The following SGMS1 variants were observed in gnomAD, a reference collection of about 807,000 sequenced individuals.
The protein encoded by SGMS1 is phosphatidylcholine:ceramide cholinephosphotransferase 1.
Under a neutral mutation model 46.2 loss-of-function variants are expected in SGMS1, and 13 were observed. That is an observed-to-expected ratio of 0.28 (90% CI 0.18 to 0.45). SGMS1 has a LOEUF of 0.45. Ranked by LOEUF, SGMS1 falls within the 20% of genes least tolerant of loss-of-function variation. The pLI, the probability that SGMS1 is intolerant of heterozygous loss-of-function variation, is 1.00. For synonymous variants in SGMS1, 203 were observed against 187.8 expected (o/e 1.08, Z -0.66); for missense variants, 324 against 519.9 (o/e 0.62, Z 3.66).
chr10:50,574,984 T>TATAA (rs1466751231), intron 2 of SGMS1, among the ~76,000 whole-genome samples: 190 of 144,766 alleles, frequency 1.3e-3, no homozygotes, highest in African/African-American at 4.4e-3. Flanking sequence ...TATATATATA[T>TATAA]AAAACAAAGT....
chr10:50,417,495 G>A (rs562795897), intron 6 of SGMS1, among the ~76,000 whole-genome samples: 8 of 152,112 alleles, frequency 5.3e-5, no homozygotes, highest in South Asian at 2.1e-4. Flanking sequence ...AATTCCACAA[G>A]AGCGATTACC....
chr10:50,483,237 A>C (rs528500968), intron 3 of SGMS1, among the ~76,000 whole-genome samples: 2 of 152,104 alleles, frequency 1.3e-5, no homozygotes, highest in South Asian at 4.1e-4. Flanking sequence ...GCACCACCAT[A>C]CTTGGCTAAT....
intron 3 of SGMS1, among the ~76,000 whole-genome samples, chr10:50,469,786 AAC>A (rs1165087411): frequency 6.6e-6 from 1 of 152,330 alleles, no homozygotes; most frequent in East Asian, 1.9e-4. Flanking sequence ...TCTCAAGGAA[AAC>A]ACACTGGAGT....
At chr10:50,498,685 A>G (rs1384760614) in intron 3 of SGMS1, among the ~76,000 whole-genome samples, 1 of 152,136 alleles carries the variant, frequency 6.6e-6, no homozygotes, top group Non-Finnish European at 1.5e-5. Flanking sequence ...GTATGCAAAC[A>G]TCCTATTTTG....
At chr10:50,530,441 G>C (rs946317636) in intron 2 of SGMS1, among the ~76,000 whole-genome samples, 4 of 152,176 alleles carry the variant, frequency 2.6e-5, no homozygotes, top group Non-Finnish European at 2.9e-5. Context: ...TTCTAATCAA[G>C]GGAAAACATA....
At chr10:50,610,113 G>T (rs757266411) in intron 1 of SGMS1, among the ~76,000 whole-genome samples, 1 of 152,134 alleles carries the variant, frequency 6.6e-6, no homozygotes, top group Non-Finnish European at 1.5e-5. Flanking sequence ...TAAGTCAAAT[G>T]GTCTTCCAGT....
chr10:50,453,465 A>G (rs1837137972), intron 5 of SGMS1, among the ~76,000 whole-genome samples: 2 of 151,392 alleles, frequency 1.3e-5, no homozygotes, highest in African/African-American at 4.8e-5. Context: ...CCTGTCATCA[A>G]GGACGGCTTA....
chr10:50,615,007 G>T (rs1036925563), intron 1 of SGMS1, among the ~76,000 whole-genome samples: 1 of 152,198 alleles, frequency 6.6e-6, no homozygotes, highest in Admixed American at 6.5e-5. Context: ...CTGCCAAAAG[G>T]TCTAATCAGA....
intron 6 of SGMS1, among the ~76,000 whole-genome samples, chr10:50,345,606 A>G (rs905465201): frequency 2.6e-5 from 4 of 152,330 alleles, no homozygotes; most frequent in East Asian, 3.9e-4. Context: ...ATGGCTAACT[A>G]TGGTACACAG....
At chr10:50,570,531 A>G (rs1258123681) in intron 2 of SGMS1, among the ~76,000 whole-genome samples, 1 of 152,210 alleles carries the variant, frequency 6.6e-6, no homozygotes, top group Non-Finnish European at 1.5e-5. Flanking sequence ...AATGAGTGAA[A>G]TGAGAGACAG....
rs368856367 is a variant in SGMS1, at chr10:50,329,906, A to C, written c.624-2584T>G. On this transcript the variant is annotated intron_variant, in intron 7 of 10. Transcript: ENST00000361781. The stretch of plus-strand genomic sequence containing the variant: ...CTATTTTTCTCCCAAGTGTTAGAGC[A>C]CTAGGCTCATTATTACTTTTTCTGA... Among the ~76,000 whole-genome samples the C allele has an allele frequency of 2.6e-4, 40 of 152,324 alleles. 2 individuals carry two copies. The South Asian group carries it at 7.7e-3, about 29-fold the overall frequency.
chr10:50,358,041 A>G (rs1848182984), intron 6 of SGMS1, among the ~76,000 whole-genome samples: 1 of 152,240 alleles, frequency 6.6e-6, no homozygotes, highest in African/African-American at 2.4e-5. Context: ...AAACTTTGGG[A>G]GGCCAAGGTG....
At chr10:50,417,546 A>G (rs1203417) in intron 6 of SGMS1, among the ~76,000 whole-genome samples, 131,336 of 152,130 alleles carry the variant, frequency 0.86, 56,819 homozygotes, top group East Asian at 1. Context: ...GAGTAAACAC[A>G]CTCAGTCCAA....
At chr10:50,359,111 G>GT (rs1312720984) in intron 6 of SGMS1, among the ~76,000 whole-genome samples, 1 of 152,176 alleles carries the variant, frequency 6.6e-6, no homozygotes, top group Non-Finnish European at 1.5e-5. Context: ...CTTGAACTAA[G>GT]TAAGTGTGTG....
chr10:50,388,268 T>C (rs931587399), intron 6 of SGMS1, among the ~76,000 whole-genome samples: 10 of 152,134 alleles, frequency 6.6e-5, no homozygotes, highest in African/African-American at 2.4e-4. Flanking sequence ...TTTTGAACCA[T>C]GTGAATTTGT....
Position 50,315,245 on chromosome 10 carries a change from G to A in SGMS1, c.742-3830C>T, listed in dbSNP as rs114557614. Among the ~76,000 whole-genome samples the A allele has an allele frequency of 8.9e-3, 1,354 of 152,298 alleles. 15 individuals are homozygous for A. Among genetic ancestry groups the A allele is most frequent in the African/African-American group, 0.031 (1,271 of 41,554 alleles). On this transcript the variant is annotated intron_variant, in intron 8 of 10. Transcript: ENST00000361781. ...CACAATGTTTGGTATAATTATAACT[G>A]TTTTACAAACACTATGTGCAGAAAA...
intron 1 of SGMS1, among the ~76,000 whole-genome samples, chr10:50,622,927 G>A (rs1220303090): frequency 1.3e-5 from 2 of 152,224 alleles, no homozygotes; most frequent in Admixed American, 1.3e-4. Context: ...ACGTCGCTGG[G>A]GGATAGCGCA....
At chr10:50,381,072 T>G (rs1848597000) in intron 6 of SGMS1, among the ~76,000 whole-genome samples, 1 of 151,134 alleles carries the variant, frequency 6.6e-6, no homozygotes. Flanking sequence ...CAAGTGATCC[T>G]CCTGTCTCAG....
intron 9 of SGMS1, among the ~76,000 whole-genome samples, chr10:50,309,804 G>A (rs934723985): frequency 4.6e-5 from 7 of 151,934 alleles, no homozygotes; most frequent in East Asian, 3.9e-4. Context: ...ACTAGGTTTC[G>A]ACCCAGTCCA....
Sources: allele counts gnomAD v4.1 joint callset (sites outside exome capture counted in the v4.1 genomes callset), GRCh38; gene constraint gnomAD v4.1.1; transcripts MANE v1.5; gene names NCBI Gene and HGNC (gene_info 2026-07-23, HGNC 2026-07-21).